The following MAGI2 variants were observed in gnomAD, a reference collection of about 807,000 sequenced individuals.
MAGI2 encodes the protein membrane-associated guanylate kinase, WW and PDZ domain-containing protein 2.
Under a neutral mutation model 133.3 loss-of-function variants are expected in MAGI2, and 35 were observed. The ratio of observed to expected loss-of-function variants is 0.26; its 90% confidence interval spans 0.20 to 0.35. The LOEUF (loss-of-function observed/expected upper bound fraction) is 0.35. Ranked by LOEUF, MAGI2 falls within the 10% of genes least tolerant of loss-of-function variation. The probability of loss-of-function intolerance (pLI) is 1.00; values close to 1 mark genes in which losing one functional copy is unlikely to be tolerated. For synonymous variants in MAGI2, 729 were observed against 710.6 expected, an observed-to-expected ratio of 1.03 and a Z score of -0.41; for missense variants, 1,636 against 1,863.4, an observed-to-expected ratio of 0.88 and a Z score of 2.25.
In MAGI2 at chr7:78,064,730, C is replaced by T. The variant is rs566977738; in HGVS notation, c.3706+14217G>A. 1.2e-4 allele frequency among the ~76,000 whole-genome samples: 18 copies of T among 152,192 alleles called. No homozygotes were observed. The South Asian group carries it at 3.5e-3, about 30-fold the overall frequency. On this transcript the variant is annotated intron_variant, in intron 21 of 21. Transcript: ENST00000354212. Reference sequence around the variant, plus strand: ...ATAAAATCCCAGTCCAGTTAAATTGCGGCAGTAGCTACATGCCACTGCAGA... The same window carrying T: ...ATAAAATCCCAGTCCAGTTAAATTGTGGCAGTAGCTACATGCCACTGCAGA...
At chr7:79,452,952 C>T (rs563900026) in intron 1 of MAGI2, 68 bp downstream of exon 1, 1 of 1,480,170 alleles carries the variant, frequency 6.8e-7, no homozygotes, top group African/African-American at 1.4e-5. Flanking sequence ...CGCGGCCACC[C>T]TTTCATTGCC....
At chr7:78,110,055 C>G (rs1328752638) in intron 20 of MAGI2, among the ~76,000 whole-genome samples, 3 of 152,156 alleles carry the variant, frequency 2.0e-5, no homozygotes, top group African/African-American at 7.2e-5. Flanking sequence ...GAGCTTGCCC[C>G]CAATTCCCTG....
intron 2 of MAGI2, among the ~76,000 whole-genome samples, chr7:78,717,273 C>T (rs1819808785): frequency 9.2e-6 from 1 of 108,442 alleles, no homozygotes; most frequent in South Asian, 2.8e-4. Flanking sequence ...CCACACAACA[C>T]AGCACACACA....
intron 6 of MAGI2, among the ~76,000 whole-genome samples, chr7:78,399,406 T>G (rs10232267): frequency 0.2 from 30,834 of 152,222 alleles, 3,337 homozygotes; most frequent in South Asian, 0.24. Context: ...AAAAATGTTT[T>G]TGAACACAGT....
intron 2 of MAGI2, among the ~76,000 whole-genome samples, chr7:78,774,898 A>G (rs1457589728): frequency 6.6e-6 from 1 of 152,318 alleles, no homozygotes. Context: ...AAGAATAAAT[A>G]TATTTTCATT....
chr7:78,766,069 G>A (rs1277121653), intron 2 of MAGI2, among the ~76,000 whole-genome samples: 2 of 152,216 alleles, frequency 1.3e-5, no homozygotes, highest in African/African-American at 4.8e-5. Flanking sequence ...CCTTAGCTCG[G>A]CATTTGAGCT....
chr7:78,673,908 TCTGA>T (rs991258441), intron 2 of MAGI2, among the ~76,000 whole-genome samples: 33 of 152,306 alleles, frequency 2.2e-4, no homozygotes, highest in African/African-American at 6.3e-4. Context: ...GTATAAGTGT[TCTGA>T]CTAATATGTT....
At chr7:78,670,948 G>A (rs1343690360) in intron 2 of MAGI2, among the ~76,000 whole-genome samples, 1 of 152,122 alleles carries the variant, frequency 6.6e-6, no homozygotes, top group African/African-American at 2.4e-5. Context: ...CACATAATGA[G>A]TAAAGCCAAA....
chr7:78,064,310 G>A (rs2151144180), intron 21 of MAGI2, among the ~76,000 whole-genome samples: 1 of 144,856 alleles, frequency 6.9e-6, no homozygotes, highest in Non-Finnish European at 1.5e-5. Context: ...ATAGCTTCAA[G>A]GAATGACTGT....
intron 1 of MAGI2, among the ~76,000 whole-genome samples, chr7:79,380,704 G>T (rs1843713284): frequency 6.6e-6 from 1 of 151,582 alleles, no homozygotes; most frequent in Admixed American, 6.6e-5. Context: ...TATCTGAATT[G>T]TCTTATTTGT....
At chr7:78,863,085 C>T (rs372778199) in intron 2 of MAGI2, among the ~76,000 whole-genome samples, 7 of 152,046 alleles carry the variant, frequency 4.6e-5, no homozygotes, top group Admixed American at 2.6e-4. Flanking sequence ...GTAGAGGTGG[C>T]TATAAAGAAG....
At chr7:79,358,198 T>TC in intron 1 of MAGI2, among the ~76,000 whole-genome samples, 1 of 152,118 alleles carries the variant, frequency 6.6e-6, no homozygotes, top group African/African-American at 2.4e-5. Flanking sequence ...CGCCAACACT[T>TC]CCCCCTACCC....
At chr7:78,246,500 C>A (rs939397918) in intron 10 of MAGI2, among the ~76,000 whole-genome samples, 6 of 152,112 alleles carry the variant, frequency 3.9e-5, no homozygotes, top group African/African-American at 7.2e-5. Flanking sequence ...CGCAAAACAA[C>A]TAGTACCCTC....
chr7:79,084,359 G>A (rs933040400), intron 1 of MAGI2, among the ~76,000 whole-genome samples: 8 of 151,582 alleles, frequency 5.3e-5, no homozygotes, highest in African/African-American at 1.9e-4. Context: ...CAATTTAACT[G>A]TTTTTGAAGG....
At chr7:78,463,777 A>G (rs1016904348) in intron 6 of MAGI2, among the ~76,000 whole-genome samples, 1 of 152,204 alleles carries the variant, frequency 6.6e-6, no homozygotes, top group Non-Finnish European at 1.5e-5. Flanking sequence ...CATGTCTACT[A>G]TGCATACTAA....
At chr7:78,326,151 T>C (rs1788561212) in intron 9 of MAGI2, among the ~76,000 whole-genome samples, 1 of 152,228 alleles carries the variant, frequency 6.6e-6, no homozygotes, top group South Asian at 2.1e-4. Context: ...GCTTTCATCT[T>C]ATAAGAAGAG....
At chr7:78,274,237 G>T (rs1215561946) in intron 9 of MAGI2, among the ~76,000 whole-genome samples, 20 of 152,178 alleles carry the variant, frequency 1.3e-4, no homozygotes, top group Non-Finnish European at 2.9e-4. Flanking sequence ...GTCCACTCCA[G>T]ACCCTGTTTG....
chr7:78,581,496 G>C (rs975160742), intron 3 of MAGI2, among the ~76,000 whole-genome samples: 3 of 152,184 alleles, frequency 2.0e-5, no homozygotes, highest in African/African-American at 7.2e-5. Flanking sequence ...AGGGAGGGTA[G>C]AGACAAGAGC....
intron 1 of MAGI2, among the ~76,000 whole-genome samples, chr7:79,073,079 C>T (rs1196400597): frequency 6.6e-6 from 1 of 152,038 alleles, no homozygotes; most frequent in Non-Finnish European, 1.5e-5. Flanking sequence ...AAGAGAGATG[C>T]TGTATAAAAA....
Sources: gnomAD v4.1 joint callset for allele counts (sites outside exome capture counted in the v4.1 genomes callset) on GRCh38, gnomAD v4.1.1 for gene constraint, MANE v1.5 for transcripts, NCBI Gene and HGNC (gene_info 2026-07-23, HGNC 2026-07-21) for gene names.